Variants in CEP350 observed in about 807,000 individuals in gnomAD.
The protein encoded by CEP350 is centrosome-associated protein 350.
In CEP350, 126 loss-of-function variants were observed where a neutral mutation model predicts 331.8. The observed-to-expected ratio is 0.38, with a 90% CI of 0.33 to 0.44. The LOEUF (loss-of-function observed/expected upper bound fraction) is 0.44. Among genes scored for constraint, CEP350 ranks in the 20% least tolerant of loss-of-function variants. CEP350 has a pLI of 1.00. For missense variants in CEP350, 3,406 were observed against 3,634.6 expected, an observed-to-expected ratio of 0.94 and a Z score of 1.62; for synonymous variants, 1,200 against 1,259.5, an observed-to-expected ratio of 0.95 and a Z score of 1.00.
At chr1:180,026,973 T>TA (rs1175608491) in intron 14 of CEP350, among the ~76,000 whole-genome samples, 16 of 152,248 alleles carry the variant, frequency 1.1e-4, no homozygotes, top group Non-Finnish European at 5.9e-5. Context: ...TTTACCCAGA[T>TA]ACAGAATTGC....
At chr1:180,018,759 C>G (rs1424586488) in intron 11 of CEP350, among the ~76,000 whole-genome samples, 1 of 152,042 alleles carries the variant, frequency 6.6e-6, no homozygotes, top group Non-Finnish European at 1.5e-5. Flanking sequence ...TCCCAGCTTT[C>G]TGTCATCTGC....
chr1:179,970,878 G>C (rs77359440), intron 1 of CEP350, among the ~76,000 whole-genome samples: 22,884 of 152,102 alleles, frequency 0.15, 1,848 homozygotes, highest in African/African-American at 0.2. Context: ...GCCTCATGCA[G>C]TTGACTTATG....
chr1:179,960,259 C>T (rs1345921622), intron 1 of CEP350, among the ~76,000 whole-genome samples: 3 of 147,296 alleles, frequency 2.0e-5, no homozygotes, highest in Non-Finnish European at 3.0e-5. Flanking sequence ...AATGCGTGCA[C>T]CTCTCTGATG....
At chr1:179,982,798 TTTG>T (rs1360102363) in intron 1 of CEP350, among the ~76,000 whole-genome samples, 1 of 152,164 alleles carries the variant, frequency 6.6e-6, no homozygotes, top group Non-Finnish European at 1.5e-5. Context: ...AAATGAGTTT[TTTG>T]TTGTTGTTGA....
At chr1:180,076,162 T>C (rs1002386755) in intron 28 of CEP350, among the ~76,000 whole-genome samples, 10 of 152,144 alleles carry the variant, frequency 6.6e-5, no homozygotes, top group African/African-American at 2.2e-4. Context: ...ACCAGTATAC[T>C]AGATTAAAGG....
At position 179,992,065 on chromosome 1, in the gene CEP350, G is replaced by A. The variant is rs1394641684; in HGVS notation, c.239G>A (p.Gly80Asp). Residue 80 changes from glycine (G) to aspartate (D), a missense_variant, in exon 5 of 38, where the codon GGT becomes GAT. Transcript: ENST00000367607. Reference protein sequence around the residue: ...SATRKISRKDGRYLDDSWVNA... With the variant: ...SATRKISRKDDRYLDDSWVNA... ...CACAGATTTCCTTTTCCTTCAGATG[G>A]TAGATACCTGGATGATTCTTGGGTT... 5 of 1,529,862 alleles carry A rather than the reference G, an allele frequency of 3.3e-6. No individual in the cohort carries two copies. The highest frequency in any genetic ancestry group is 4.4e-6 in the Non-Finnish European group (5 of 1,143,646). The allele number at this position is 1,529,862 out of a possible 1,614,324, so 94.8% of individuals were successfully genotyped here.
Position 180,003,072 on chromosome 1 carries a change from G to C in CEP350, c.1019-102G>C, listed in dbSNP as rs562334669. On this transcript the variant is annotated intron_variant, in intron 6 of 37. Coordinates refer to ENST00000367607, the MANE Select transcript of CEP350 (RefSeq NM_014810.5). ...CACTGAATTGTAACACTAAAAGAGT[G>C]AATTTTATGTATGTCGATTATATAT... is the stretch of plus-strand genomic sequence containing the variant. 15 of 717,798 alleles carry C rather than the reference G, an allele frequency of 2.1e-5. No individual in the cohort carries two copies. The East Asian group carries it at 2.2e-4, about 10-fold the overall frequency. The allele number at this position is 717,798 out of a possible 1,614,324, so 44.5% of individuals were successfully genotyped here. A position where few individuals can be genotyped will look rare whatever the true frequency, so the allele number is the denominator to read the frequency against.
intron 28 of CEP350, among the ~76,000 whole-genome samples, chr1:180,077,687 A>AAAT (rs1659316683): frequency 6.6e-6 from 1 of 151,350 alleles, no homozygotes; most frequent in Non-Finnish European, 1.5e-5. Context: ...AAAAAAAAAA[A>AAAT]AAAAGCCAAA....
Position 180,076,005 on chromosome 1 carries a change from C to G in CEP350, c.5767+784C>G, listed in dbSNP as rs528057449. On this transcript the variant is annotated intron_variant, in intron 28 of 37. Transcript: ENST00000367607. ...CTTTATTCCAATACAAACTTGAAAA[C>G]TTAGAAAAAATGGCTAAATTCTTCT... 2.6e-5 allele frequency among the ~76,000 whole-genome samples: 4 copies of G among 151,876 alleles called. No individual in the cohort carries two copies. In the South Asian group the frequency reaches 8.5e-4, roughly 32 times the overall value.
intron 11 of CEP350, among the ~76,000 whole-genome samples, chr1:180,018,791 G>A (rs1480962406): frequency 6.6e-6 from 1 of 151,312 alleles, no homozygotes; most frequent in East Asian, 1.9e-4. Context: ...GCATATCTTT[G>A]TGTCATCATC....
chr1:180,071,577 G>A (rs1418956580), intron 27 of CEP350, among the ~76,000 whole-genome samples: 2 of 151,882 alleles, frequency 1.3e-5, no homozygotes, highest in African/African-American at 4.8e-5. Flanking sequence ...AGGAGTTCAA[G>A]ACCAGCCTGG....
At chr1:179,958,092 T>C (rs1650311738) in intron 1 of CEP350, among the ~76,000 whole-genome samples, 1 of 152,218 alleles carries the variant, frequency 6.6e-6, no homozygotes, top group African/African-American at 2.4e-5. Context: ...CAGATAATTA[T>C]AAAATCAGAA....
chr1:180,000,076 A>G lies in CEP350; in HGVS notation c.1018+2901A>G, dbSNP rs555766725. Among the ~76,000 whole-genome samples the G allele has an allele frequency of 3.1e-3, 477 of 152,284 alleles. 4 individuals carry two copies. The highest frequency in any genetic ancestry group is 5.7e-3 in the Non-Finnish European group (385 of 68,010). The stretch of plus-strand genomic sequence containing the variant: ...AAGTGCACAGTAAGTTTTTTATTCT[A>G]TTTAATAAATTTAACCAGTAAGAAA... On this transcript the variant is annotated intron_variant, in intron 6 of 37. Transcript: ENST00000367607.
intron 7 of CEP350, among the ~76,000 whole-genome samples, chr1:180,005,561 C>G (rs191956553): frequency 9.2e-5 from 14 of 152,262 alleles, no homozygotes; most frequent in African/African-American, 2.9e-4. Context: ...TCTATCTGCT[C>G]TTCTTCTAAT....
chr1:179,969,393 T>C (rs1651263209), intron 1 of CEP350: 1 of 513,622 alleles, frequency 1.9e-6, no homozygotes. Context: ...GGCGTGCGGG[T>C]GCCCTCTGTG....
chr1:179,955,729 A>G (rs994884015), intron 1 of CEP350, among the ~76,000 whole-genome samples: 2 of 152,252 alleles, frequency 1.3e-5, no homozygotes, highest in African/African-American at 4.8e-5. Flanking sequence ...AGCTAATGTC[A>G]CAAGATATGA....
At chr1:179,986,300 C>A in intron 2 of CEP350, 46 bp downstream of exon 2, 2 of 1,349,718 alleles carry the variant, frequency 1.5e-6, no homozygotes, top group South Asian at 2.7e-5. Context: ...TCATTTAGGT[C>A]ATGTGTATTA....
At chr1:180,069,903 G>C (rs192000785) in intron 27 of CEP350, among the ~76,000 whole-genome samples, 2 of 152,174 alleles carry the variant, frequency 1.3e-5, no homozygotes, top group Non-Finnish European at 2.9e-5. Context: ...GTAAAAAGTA[G>C]TGTTTTAGTT....
At chr1:179,978,219 A>G (rs1193350926) in intron 1 of CEP350, among the ~76,000 whole-genome samples, 3 of 152,246 alleles carry the variant, frequency 2.0e-5, no homozygotes, top group African/African-American at 4.8e-5. Flanking sequence ...GCTTATTACT[A>G]TATAACAGAA....
Sources: gnomAD v4.1 joint callset for allele counts (sites outside exome capture counted in the v4.1 genomes callset) on GRCh38, gnomAD v4.1.1 for gene constraint, MANE v1.5 for transcripts, NCBI Gene and HGNC (gene_info 2026-07-23, HGNC 2026-07-21) for gene names.